Variants in UNC5D observed in about 807,000 individuals in gnomAD.
UNC5D encodes netrin receptor UNC5D.
A neutral mutation model predicts 105.4 loss-of-function variants in UNC5D; 39 were observed. The ratio of observed to expected loss-of-function variants is 0.37; its 90% CI spans 0.29 to 0.48. The LOEUF (loss-of-function observed/expected upper bound fraction) is 0.48. Among genes scored for constraint, UNC5D ranks in the 20% least tolerant of loss-of-function variants. The pLI is 0.98. For synonymous variants in UNC5D, 452 were observed against 450.4 expected, an observed-to-expected ratio of 1.00 and a Z score of -0.04; for missense variants, 991 against 1,202.4, an observed-to-expected ratio of 0.82 and a Z score of 2.60.
intron 1 of UNC5D, among the ~76,000 whole-genome samples, chr8:35,420,104 C>G (rs1468338323): frequency 6.6e-6 from 1 of 152,086 alleles, no homozygotes; most frequent in Non-Finnish European, 1.5e-5. Flanking sequence ...CTTAAATTGT[C>G]TTTGGTTTGA....
In UNC5D at chr8:35,542,472, T is replaced by C. The variant is rs544064239; in HGVS notation, c.104-6820T>C. On this transcript the variant is annotated intron_variant, in intron 1 of 16. Coordinates refer to ENST00000404895, the MANE Select transcript of UNC5D (RefSeq NM_080872.4). ...AAGAGCTAATTCTAAGGAGCATTAC[T>C]CTATTTACATATTGCAGTGAGAAGG... Among the ~76,000 whole-genome samples the C allele has an allele frequency of 6.6e-5, 10 of 152,358 alleles. No individual in the cohort carries two copies. The East Asian group carries it at 1.9e-3, about 29-fold the overall frequency.
intron 4 of UNC5D, among the ~76,000 whole-genome samples, chr8:35,639,953 G>T (rs1281863966): frequency 6.6e-6 from 1 of 151,592 alleles, no homozygotes; most frequent in Non-Finnish European, 1.5e-5. Context: ...TTAAACTCCT[G>T]CCCATAAGCG....
At chr8:35,421,618 T>C (rs1805906230) in intron 1 of UNC5D, among the ~76,000 whole-genome samples, 1 of 152,194 alleles carries the variant, frequency 6.6e-6, no homozygotes, top group South Asian at 2.1e-4. Flanking sequence ...TGCATTCTTT[T>C]ATTATGAGCA....
chr8:35,539,839 G>C (rs1020123410), intron 1 of UNC5D, among the ~76,000 whole-genome samples: 3 of 152,138 alleles, frequency 2.0e-5, no homozygotes, highest in African/African-American at 7.2e-5. Context: ...AATGTTGTTT[G>C]TTCCTTACAG....
In UNC5D at chr8:35,235,502, G is replaced by C. The variant is rs991341100; in HGVS notation, c.-283G>C. 3.2e-6 allele frequency: 1 copy of C among 308,128 alleles called. No homozygotes were observed. Among genetic ancestry groups the C allele is most frequent in the East Asian group, 5.2e-5 (1 of 19,078 alleles). The allele number at this position is 308,128 out of a possible 1,614,324, so 19.1% of individuals were successfully genotyped here. On this transcript the variant is annotated 5_prime_UTR_variant, in exon 1 of 17. Transcript: ENST00000404895. ...GTAGTTCGGGGCCCGGCAGCGGCGC[G>C]AGGGCTGGGAACTGCGCGGCGGGGA...
intron 2 of UNC5D, among the ~76,000 whole-genome samples, chr8:35,551,040 T>C (rs1012033224): frequency 7.9e-5 from 12 of 152,082 alleles, no homozygotes; most frequent in Non-Finnish European, 1.8e-4. Context: ...AGCCCTTTAC[T>C]TAGTTTTATG....
chr8:35,392,711 G>C (rs1262115567), intron 1 of UNC5D, among the ~76,000 whole-genome samples: 1 of 152,130 alleles, frequency 6.6e-6, no homozygotes, highest in Non-Finnish European at 1.5e-5. Context: ...ACAGGTTCTA[G>C]GGATTAGGAT....
At chr8:35,339,913 G>T (rs188355478) in intron 1 of UNC5D, among the ~76,000 whole-genome samples, 44 of 152,292 alleles carry the variant, frequency 2.9e-4, no homozygotes, top group Admixed American at 4.6e-4. Flanking sequence ...GGTCCCAGGA[G>T]CCTGGGAACT....
chr8:35,734,776 CTT>C (rs1829377270), intron 11 of UNC5D, among the ~76,000 whole-genome samples: 1 of 138,808 alleles, frequency 7.2e-6, no homozygotes, highest in Non-Finnish European at 1.5e-5. Flanking sequence ...ATTCTACACA[CTT>C]TAAATTTTTT....
intron 1 of UNC5D, among the ~76,000 whole-genome samples, chr8:35,327,685 C>T (rs1021640459): frequency 3.9e-5 from 6 of 152,200 alleles, no homozygotes; most frequent in Non-Finnish European, 8.8e-5. Context: ...TGCAACTGCT[C>T]TTTCCGACCC....
In UNC5D at chr8:35,353,281, C is replaced by T. The variant is rs532777321; in HGVS notation, c.103+117394C>T. Among the ~76,000 whole-genome samples the T allele has an allele frequency of 4.6e-5, 7 of 152,190 alleles. No homozygotes were observed. The South Asian group carries it at 1.2e-3, about 27-fold the overall frequency. ...CAAGCATTCACAGAGTCATGAATGGCTCCTAAACATAAATGACATTTACAA... is the reference window on the plus strand; with the variant it reads ...CAAGCATTCACAGAGTCATGAATGGTTCCTAAACATAAATGACATTTACAA... On this transcript the variant is annotated intron_variant, in intron 1 of 16. Coordinates refer to ENST00000404895, the MANE Select transcript of UNC5D (RefSeq NM_080872.4).
At position 35,393,385 on chromosome 8, in the gene UNC5D, G is replaced by A. The variant is rs529401385; in HGVS notation, c.104-155907G>A. The stretch of plus-strand genomic sequence containing the variant: ...CCTGACCTCGTGATCCGCCCGCCTC[G>A]GCCTCCCAAAGTGCTGGGATTACAG... On this transcript the variant is annotated intron_variant, in intron 1 of 16. Transcript: ENST00000404895. 1.1e-4 allele frequency among the ~76,000 whole-genome samples: 16 copies of A among 151,648 alleles called. No homozygotes were observed. In the East Asian group the frequency reaches 2.3e-3, roughly 22 times the overall value.
intron 1 of UNC5D, among the ~76,000 whole-genome samples, chr8:35,488,853 T>C (rs946501709): frequency 9.9e-5 from 15 of 152,146 alleles, no homozygotes; most frequent in Admixed American, 3.3e-4. Flanking sequence ...CCACACTTGA[T>C]TCAGATGATA....
intron 4 of UNC5D, among the ~76,000 whole-genome samples, chr8:35,616,367 G>A (rs1022816638): frequency 6.6e-6 from 1 of 152,206 alleles, no homozygotes; most frequent in Non-Finnish European, 1.5e-5. Context: ...TGCATACAAA[G>A]CTAAGCAGAA....
intron 11 of UNC5D, among the ~76,000 whole-genome samples, chr8:35,739,008 TAGAG>T (rs1829612775): frequency 6.6e-6 from 1 of 152,172 alleles, no homozygotes; most frequent in South Asian, 2.1e-4. Context: ...ATACCAGGCA[TAGAG>T]AGAATCACTG....
chr8:35,401,009 T>G (rs1804423060), intron 1 of UNC5D, among the ~76,000 whole-genome samples: 1 of 152,140 alleles, frequency 6.6e-6, no homozygotes, highest in Non-Finnish European at 1.5e-5. Context: ...CAACATGCAT[T>G]CATACTATTA....
At chr8:35,332,628 A>G (rs1028829216) in intron 1 of UNC5D, among the ~76,000 whole-genome samples, 2 of 152,206 alleles carry the variant, frequency 1.3e-5, no homozygotes, top group Non-Finnish European at 2.9e-5. Context: ...ATTGTATGCA[A>G]CCAACTATCA....
At chr8:35,779,939 C>T (rs986729312) in intron 16 of UNC5D, among the ~76,000 whole-genome samples, 1 of 152,098 alleles carries the variant, frequency 6.6e-6, no homozygotes, top group Non-Finnish European at 1.5e-5. Context: ...TTCTGTGATG[C>T]CTCCTAATTT....
chr8:35,647,447 G>A (rs1369665585), intron 4 of UNC5D, among the ~76,000 whole-genome samples: 1 of 151,866 alleles, frequency 6.6e-6, no homozygotes, highest in Non-Finnish European at 1.5e-5. Flanking sequence ...ACAATTATAT[G>A]TCTTTAGGAA....
Sources: gnomAD v4.1 joint callset for allele counts (sites outside exome capture counted in the v4.1 genomes callset) on GRCh38, gnomAD v4.1.1 for gene constraint, MANE v1.5 for transcripts, NCBI Gene and HGNC (gene_info 2026-07-23, HGNC 2026-07-21) for gene names.